LNPK: variants seen among roughly 807,000 people sequenced by gnomAD.
The protein encoded by LNPK is endoplasmic reticulum junction formation protein lunapark.
LNPK carries 29 observed loss-of-function variants against 55.2 expected under a neutral mutation model. That is an observed-to-expected ratio of 0.53 (90% CI 0.39 to 0.72). The LOEUF is 0.72. Among genes scored for constraint, LNPK ranks in the 30% least tolerant of loss-of-function variants. LNPK has a pLI of 0.00. For synonymous variants in LNPK, 162 were observed against 168.2 expected (o/e 0.96, Z 0.29); for missense variants, 467 against 494.8 (o/e 0.94, Z 0.53).
Position 175,992,288 on chromosome 2 carries a change from G to T in LNPK, c.200C>A (p.Pro67His). 1.3e-6 allele frequency: 2 copies of T among 1,573,496 alleles called. No individual in the cohort carries two copies. Among genetic ancestry groups the T allele is most frequent in the Non-Finnish European group, 1.7e-6 (2 of 1,166,516 alleles). ...TCLIVYLWYLPDEFTARLAMT... is the reference protein window; with the variant it reads ...TCLIVYLWYLHDEFTARLAMT... ...GGCAAGTCTTGCTGTAAATTCATCA[G>T]GAAGATACCACAAATATACAATTAA... The change falls in exon 4 of 13, where the codon CCT (proline) becomes CAT (histidine). Residue 67 changes from proline to histidine, a missense_variant. Transcript: ENST00000272748.
At chr2:175,970,323 T>A (rs1283497753) in intron 6 of LNPK, among the ~76,000 whole-genome samples, 1 of 152,052 alleles carries the variant, frequency 6.6e-6, no homozygotes, top group African/African-American at 2.4e-5. Context: ...TCTCTCTCTC[T>A]CCCATCTCTT....
At chr2:175,957,910 C>T (rs1472378979) in intron 8 of LNPK, among the ~76,000 whole-genome samples, 4 of 152,334 alleles carry the variant, frequency 2.6e-5, no homozygotes, top group African/African-American at 9.6e-5. Flanking sequence ...GATTATATCC[C>T]GTGTCTGGTT....
intron 5 of LNPK, among the ~76,000 whole-genome samples, chr2:175,975,227 A>G (rs1449268309): frequency 6.6e-6 from 1 of 152,208 alleles, no homozygotes; most frequent in Non-Finnish European, 1.5e-5. Flanking sequence ...AGTTTTTTCC[A>G]TTAAAATCAG....
chr2:175,932,550 C>G (rs141067138), intron 12 of LNPK, among the ~76,000 whole-genome samples: 2 of 152,220 alleles, frequency 1.3e-5, no homozygotes, highest in South Asian at 4.1e-4. Flanking sequence ...ATGGCAGTAA[C>G]ACTACAAAAA....
intron 9 of LNPK, among the ~76,000 whole-genome samples, chr2:175,941,797 A>G (rs535767883): frequency 2.9e-4 from 44 of 150,422 alleles, no homozygotes; most frequent in Admixed American, 4.6e-4. Flanking sequence ...TCTCAAAAAA[A>G]AAAAAAAAAA....
chr2:175,930,539 C>A (rs1338452695), intron 12 of LNPK, among the ~76,000 whole-genome samples: 2 of 152,010 alleles, frequency 1.3e-5, no homozygotes. Flanking sequence ...GAATTATGTG[C>A]TATAATACAA....
chr2:175,997,926 A>G (rs1688009450), intron 1 of LNPK, among the ~76,000 whole-genome samples: 1 of 149,438 alleles, frequency 6.7e-6, no homozygotes, highest in Non-Finnish European at 1.5e-5. Context: ...TTTTTGGTAG[A>G]GACAGGAATT....
At chr2:175,980,576 A>G (rs1363824553) in intron 4 of LNPK, among the ~76,000 whole-genome samples, 1 of 152,224 alleles carries the variant, frequency 6.6e-6, no homozygotes, top group African/African-American at 2.4e-5. Context: ...CAATGTAAAC[A>G]TAGCAAAATA....
chr2:175,993,221 T>C lies in LNPK; in HGVS notation c.30A>G (p.Thr10=). Residue 10 remains threonine (T), a splice_region_variant and synonymous_variant, in exon 3 of 13, where the codon ACA becomes ACG. Transcript: ENST00000272748. MGGLFSRWR[T]KPSTVEVLES... ...CTAGAACTTCTACAGTTGAAGGTTT[T>C]GTCTGTTATACAAACAGAAACAAGA... The C allele has an allele frequency of 1.3e-6, 2 of 1,553,734 alleles. No individual in the cohort carries two copies. Among genetic ancestry groups the C allele is most frequent in the Non-Finnish European group, 8.7e-7 (1 of 1,143,832 alleles).
chr2:175,962,422 T>C (rs867412517), intron 8 of LNPK, among the ~76,000 whole-genome samples: 1 of 152,188 alleles, frequency 6.6e-6, no homozygotes, highest in African/African-American at 2.4e-5. Flanking sequence ...CATCTGATCT[T>C]TGACAAACCT....
upstream of LNPK, chr2:176,002,351 G>A: frequency 2.4e-6 from 1 of 410,816 alleles, no homozygotes; most frequent in Non-Finnish European, 4.8e-6. Flanking sequence ...CCGCTCCCCC[G>A]TCACGTGACC....
chr2:175,957,350 T>C (rs1685744150), intron 8 of LNPK, among the ~76,000 whole-genome samples: 1 of 151,852 alleles, frequency 6.6e-6, no homozygotes, highest in Non-Finnish European at 1.5e-5. Flanking sequence ...ACAGTGAGAC[T>C]TCATCTCAAA....
intron 5 of LNPK, among the ~76,000 whole-genome samples, chr2:175,977,330 C>A (rs1371816225): frequency 6.6e-6 from 1 of 152,092 alleles, no homozygotes; most frequent in Non-Finnish European, 1.5e-5. Context: ...TTTACACTAG[C>A]CTCATTTCAA....
chr2:175,985,477 A>C (rs1442502915), intron 4 of LNPK, among the ~76,000 whole-genome samples: 2 of 152,192 alleles, frequency 1.3e-5, no homozygotes, highest in Non-Finnish European at 2.9e-5. Flanking sequence ...GGTTTTTATA[A>C]TTAATTAAAA....
chr2:175,998,052 T>C (rs1303237021), intron 1 of LNPK, among the ~76,000 whole-genome samples: 2 of 152,048 alleles, frequency 1.3e-5, no homozygotes, highest in Non-Finnish European at 2.9e-5. Flanking sequence ...CCAAATACTT[T>C]ATATTAATTT....
At chr2:175,963,246 A>G (rs1424346341) in intron 8 of LNPK, among the ~76,000 whole-genome samples, 1 of 152,182 alleles carries the variant, frequency 6.6e-6, no homozygotes, top group East Asian at 1.9e-4. Context: ...CTATAAAGAC[A>G]CATGCAGATG....
chr2:175,994,366 A>T, intron 2 of LNPK: 1 of 978,082 alleles, frequency 1.0e-6, no homozygotes, highest in Non-Finnish European at 1.2e-6. Flanking sequence ...TATAATGCTG[A>T]TCCAAAACAA....
In LNPK at chr2:175,929,132, A is replaced by AT; in HGVS notation, c.*834dup. 1 of 984,320 alleles carries AT rather than the reference A, an allele frequency of 1.0e-6. No homozygotes were observed. The highest frequency in any genetic ancestry group is 1.1e-4 in the East Asian group (1 of 8,810). The allele number at this position is 984,320 out of a possible 1,614,324, so 61.0% of individuals were successfully genotyped here. ...AGCAAAATGAAACTGATGCCAGATT[A>AT]TTTTCATTTTCCTTAATAAAATACA... On this transcript the variant is annotated 3_prime_UTR_variant, in exon 13 of 13. Transcript: ENST00000272748.
Position 175,924,355 on chromosome 2 carries a change from G to C in LNPK, c.*5612C>G, listed in dbSNP as rs1246022472. 6.6e-6 allele frequency: 1 copy of C among 152,094 alleles called. No homozygotes were observed. Among genetic ancestry groups the C allele is most frequent in the Non-Finnish European group, 1.5e-5 (1 of 68,016 alleles). 9.4% of individuals were successfully genotyped at this position (152,094 alleles called of 1,614,324 possible). On this transcript the variant is annotated 3_prime_UTR_variant, in exon 13 of 13. Transcript: ENST00000272748. The stretch of plus-strand genomic sequence containing the variant: ...TTGTACACAGATAATAAATCCAACA[G>C]GTAATATTGTAAAGTAATATTGTAA...
Sources: gnomAD v4.1 joint callset for allele counts (sites outside exome capture counted in the v4.1 genomes callset) on GRCh38, gnomAD v4.1.1 for gene constraint, MANE v1.5 for transcripts, NCBI Gene and HGNC (gene_info 2026-07-23, HGNC 2026-07-21) for gene names.